Variants in PLPP1 observed in about 807,000 individuals in gnomAD.
PLPP1 encodes lipid phosphate phosphohydrolase 1a.
A neutral mutation model predicts 31.2 loss-of-function variants in PLPP1; 24 were observed. That is an observed-to-expected ratio of 0.77 (90% CI 0.56 to 1.08). The LOEUF (loss-of-function observed/expected upper bound fraction) is 1.08, where lower values mean the gene tolerates loss of function less well. Among genes scored for constraint, PLPP1 ranks in the 50% least tolerant of loss-of-function variants. The pLI is 0.00. For missense variants in PLPP1, 319 were observed against 342.7 expected (o/e 0.93, Z 0.55); for synonymous variants, 146 against 126.3 (o/e 1.16, Z -1.05).
intron 1 of PLPP1, among the ~76,000 whole-genome samples, chr5:55,492,042 A>C (rs1209197475): frequency 2.4e-5 from 1 of 40,884 alleles, no homozygotes; most frequent in Admixed American, 3.7e-4. Flanking sequence ...AGTTATACCA[A>C]AATAATTTCA....
intron 3 of PLPP1, among the ~76,000 whole-genome samples, chr5:55,467,520 T>TA (rs1204143888): frequency 2.9e-5 from 4 of 137,484 alleles, no homozygotes; most frequent in African/African-American, 1.1e-4. Flanking sequence ...ACTTAGTCTC[T>TA]ACAAAATAAT....
rs758900048 is a variant in PLPP1, at chr5:55,425,278, CTCT to C, written c.780_782del (p.Glu262del). ...CATGCAGAGTTGTATGAGAGTCCTC[CTCT>C]TTTCTTTCTTTAAAAGAAGTTCTTT... On this transcript the variant is annotated inframe_deletion, in exon 6 of 6. Coordinates refer to ENST00000307259, the MANE Select transcript of PLPP1 (RefSeq NM_003711.4). The C allele has an allele frequency of 8.7e-6, 14 of 1,611,924 alleles. No homozygotes were observed. The African/African-American group carries it at 1.6e-4, about 18-fold the overall frequency.
intron 1 of PLPP1, chr5:55,530,226 A>C: frequency 8.4e-6 from 12 of 1,429,526 alleles, no homozygotes; most frequent in Non-Finnish European, 1.1e-5. Context: ...CTGAAGATTC[A>C]CAAATTCTCC....
chr5:55,505,569 G>A (rs946031111), intron 1 of PLPP1, among the ~76,000 whole-genome samples: 10 of 151,658 alleles, frequency 6.6e-5, no homozygotes, highest in African/African-American at 1.5e-4. Context: ...ATTCTGTAAC[G>A]GAGAAAAAAA....
At chr5:55,520,774 T>C (rs1403799394) in intron 1 of PLPP1, among the ~76,000 whole-genome samples, 1 of 152,258 alleles carries the variant, frequency 6.6e-6, no homozygotes, top group Non-Finnish European at 1.5e-5. Flanking sequence ...CACCTATTAA[T>C]GTGGATAGAC....
intron 2 of PLPP1, among the ~76,000 whole-genome samples, chr5:55,474,798 T>C (rs1752500095): frequency 1.3e-5 from 2 of 152,214 alleles, no homozygotes; most frequent in Non-Finnish European, 2.9e-5. Flanking sequence ...TATGCTAGAA[T>C]CATATTGCTA....
At chr5:55,466,494 G>A (rs1319443426) in intron 3 of PLPP1, among the ~76,000 whole-genome samples, 1 of 152,144 alleles carries the variant, frequency 6.6e-6, no homozygotes, top group African/African-American at 2.4e-5. Context: ...CCTGAGGTCA[G>A]GAGTTTGAGA....
chr5:55,465,502 A>G (rs1363872410), intron 3 of PLPP1, among the ~76,000 whole-genome samples: 2 of 152,202 alleles, frequency 1.3e-5, no homozygotes, highest in African/African-American at 4.8e-5. Context: ...ACACTGGAAG[A>G]AGAACTGTCT....
chr5:55,437,659 T>A (rs1474018059), intron 4 of PLPP1, among the ~76,000 whole-genome samples: 2 of 152,194 alleles, frequency 1.3e-5, no homozygotes, highest in Non-Finnish European at 2.9e-5. Context: ...TTGCTCCACC[T>A]ACATTTGATG....
At chr5:55,505,346 C>CA (rs35073454) in intron 1 of PLPP1, among the ~76,000 whole-genome samples, 27,658 of 151,774 alleles carry the variant, frequency 0.18, 3,282 homozygotes, top group South Asian at 0.31. Flanking sequence ...GTAATCCCAA[C>CA]ACTTTGGAAG....
At chr5:55,480,873 A>G (rs908440859) in intron 1 of PLPP1, among the ~76,000 whole-genome samples, 1 of 152,222 alleles carries the variant, frequency 6.6e-6, no homozygotes, top group Non-Finnish European at 1.5e-5. Context: ...ACTGTTTTCC[A>G]AAGTTGTTGC....
rs10033 is a variant in PLPP1, at chr5:55,425,095, C to A, written c.*111G>T. 2 of 1,371,310 alleles carry A rather than the reference C, an allele frequency of 1.5e-6. No individual in the cohort carries two copies. Among genetic ancestry groups the A allele is most frequent in the East Asian group, 2.3e-5 (1 of 43,430 alleles). 84.9% of individuals were successfully genotyped at this position (1,371,310 alleles called of 1,614,324 possible). A position where few individuals can be genotyped will look rare whatever the true frequency, so the allele number is the denominator to read the frequency against. On this transcript the variant is annotated 3_prime_UTR_variant, in exon 6 of 6. Coordinates refer to ENST00000307259, the MANE Select transcript of PLPP1 (RefSeq NM_003711.4). ...GTGCATCCAAGAGGCATAGCAGCAG[C>A]AGAAGTCTTTAAAGGCTTGTACACC... is the stretch of plus-strand genomic sequence containing the variant.
chr5:55,523,193 G>T (rs1050216879), intron 1 of PLPP1, among the ~76,000 whole-genome samples: 1 of 151,556 alleles, frequency 6.6e-6, no homozygotes, highest in Non-Finnish European at 1.5e-5. Context: ...GGGTAAATGG[G>T]GTATCTGTCA....
intron 3 of PLPP1, among the ~76,000 whole-genome samples, chr5:55,463,668 T>C (rs950938370): frequency 6.6e-6 from 1 of 151,608 alleles, no homozygotes; most frequent in Non-Finnish European, 1.5e-5. Flanking sequence ...TGATTGGGCA[T>C]GGTGGCTCAT....
chr5:55,534,473 C>T, intron 1 of PLPP1, 99 bp downstream of exon 1: 7 of 1,236,484 alleles, frequency 5.7e-6, no homozygotes, highest in South Asian at 1.6e-5. Flanking sequence ...CAGCTGCGCA[C>T]GCGTCAGGCA....
intron 3 of PLPP1, among the ~76,000 whole-genome samples, chr5:55,466,831 G>A (rs1561234040): frequency 1.3e-5 from 2 of 148,724 alleles, no homozygotes; most frequent in Admixed American, 1.4e-4. Context: ...ACAAACAAAG[G>A]ATGTTTTACC....
At chr5:55,509,727 T>A (rs1753364061) in intron 1 of PLPP1, among the ~76,000 whole-genome samples, 1 of 152,212 alleles carries the variant, frequency 6.6e-6, no homozygotes. Context: ...CTATGGACTC[T>A]CACATTTCCA....
At chr5:55,498,736 A>G (rs1308573721) in intron 1 of PLPP1, among the ~76,000 whole-genome samples, 1 of 152,170 alleles carries the variant, frequency 6.6e-6, no homozygotes, top group Non-Finnish European at 1.5e-5. Flanking sequence ...CTGAAGTCCA[A>G]GAACACGCTA....
chr5:55,512,771 G>C (rs1008473149), intron 1 of PLPP1, among the ~76,000 whole-genome samples: 1 of 151,120 alleles, frequency 6.6e-6, no homozygotes, highest in Non-Finnish European at 1.5e-5. Context: ...CAAGGTATGG[G>C]GAGCTCCTCT....
Sources: allele counts gnomAD v4.1 joint callset (sites outside exome capture counted in the v4.1 genomes callset), GRCh38; gene constraint gnomAD v4.1.1; transcripts MANE v1.5; gene names NCBI Gene and HGNC (gene_info 2026-07-23, HGNC 2026-07-21).